PDE4A: variants seen among roughly 807,000 people sequenced by gnomAD.
PDE4A encodes the protein phosphodiesterase 4A, also known as 3',5'-cyclic-AMP phosphodiesterase 4A.
PDE4A carries 21 observed loss-of-function variants against 73.9 expected under a neutral mutation model. That is an observed-to-expected ratio of 0.28 (90% CI 0.20 to 0.41). The LOEUF is 0.41. PDE4A is among the 10% of genes least tolerant of loss of function. The pLI, the probability that PDE4A is intolerant of heterozygous loss-of-function variation, is 1.00. For missense variants in PDE4A, 958 were observed against 1,211.4 expected, an observed-to-expected ratio of 0.79 and a Z score of 3.10; for synonymous variants, 463 against 505.4, an observed-to-expected ratio of 0.92 and a Z score of 1.13.
chr19:10,427,642 A>G, intron 1 of PDE4A: 1 of 983,824 alleles, frequency 1.0e-6, no homozygotes, highest in Non-Finnish European at 1.2e-6. Context: ...CTGTCTCTGA[A>G]GCCAGACAGC....
Position 10,420,598 on chromosome 19 carries a change from C to A in PDE4A, c.-167C>A, listed in dbSNP as rs2042636289. 7.7e-7 allele frequency: 1 copy of A among 1,293,144 alleles called. No individual in the cohort carries two copies. The highest frequency in any genetic ancestry group is 2.4e-5 in the South Asian group (1 of 40,972). 80.1% of individuals were successfully genotyped at this position (1,293,144 alleles called of 1,614,324 possible). A position where few individuals can be genotyped will look rare whatever the true frequency, so the allele number is the denominator to read the frequency against. On this transcript the variant is annotated 5_prime_UTR_variant, in exon 1 of 15. Coordinates refer to ENST00000380702, the MANE Select transcript of PDE4A (RefSeq NM_001111307.2). This position sits in a 1 kb window ranked among gnomAD's most constrained non-coding sequence, Gnocchi z 6.0. ...CGAAAGGAAGCTGCAGAGCCCGGCC[C>A]GGGGGCGATTGGCCCGCAGCGCCCC...
upstream of PDE4A, chr19:10,416,989 A>G (rs1231523524): frequency 1.3e-6 from 2 of 1,539,624 alleles, no homozygotes; most frequent in East Asian, 2.4e-5. Flanking sequence ...ACCGGGGACG[A>G]GGTGCGAGAG....
chr19:10,454,999 T>C, intron 7 of PDE4A, 77 bp downstream of exon 7: 1 of 1,385,004 alleles, frequency 7.2e-7, no homozygotes, highest in Non-Finnish European at 1.0e-6. Context: ...CCGTGGGTCC[T>C]GTTGCTCACA....
chr19:10,418,686 C>A, upstream of PDE4A: 1 of 889,978 alleles, frequency 1.1e-6, no homozygotes. Flanking sequence ...GCTCAGGCCA[C>A]CGCTCCTCGT....
intron 1 of PDE4A, among the ~76,000 whole-genome samples, chr19:10,430,183 A>G (rs2042768773): frequency 6.6e-6 from 1 of 152,000 alleles, no homozygotes; most frequent in South Asian, 2.1e-4. Context: ...GGGCTCTCAG[A>G]GCACCACTGG....
At chr19:10,452,463 G>A (rs2043106661) in intron 6 of PDE4A, among the ~76,000 whole-genome samples, 2 of 151,820 alleles carry the variant, frequency 1.3e-5, no homozygotes, top group Admixed American at 1.3e-4. Context: ...AAATGTGGCT[G>A]GTATCTCGGT....
chr19:10,457,355 C>T (rs2043185742), intron 7 of PDE4A, among the ~76,000 whole-genome samples: 1 of 148,254 alleles, frequency 6.7e-6, no homozygotes, highest in Non-Finnish European at 1.5e-5. Flanking sequence ...GACCTTGGCT[C>T]AGCTCTGGAA....
At position 10,450,865 on chromosome 19, in the gene PDE4A, A is replaced by C; in HGVS notation, c.707A>C (p.Glu236Ala). 2.5e-6 allele frequency: 4 copies of C among 1,612,080 alleles called. No individual in the cohort carries two copies. Among genetic ancestry groups the C allele is most frequent in the Non-Finnish European group, 2.5e-6 (3 of 1,179,202 alleles). Residue 236 changes from glutamate (E) to alanine (A), a missense_variant, in exon 6 of 15, where the codon GAG (glutamate) becomes GCG (alanine). Physicochemically the swap from Glu to Ala is moderately radical, Grantham distance 107. This residue lies in a region of PDE4A where 570 missense variants were observed against 827.7 expected (regional missense o/e 0.69). Transcript: ENST00000380702. ...CAGCAGTTGGCCCGGGAGACTCTGG[A>C]GGAGCTGGACTGGTGTCTGGAGCAG... is the stretch of plus-strand genomic sequence containing the variant. The part of the protein sequence containing the change: ...TCQQLARETL[E>A]ELDWCLEQLE...
At position 10,466,868 on chromosome 19, in the gene PDE4A, CT is replaced by C; in HGVS notation, c.1927-16del. ...CCACCCCATAGGCCGCCCATTTATACTTTCTTCCCCTCCACCAGGTGGGTTT... is the reference window on the plus strand; with the variant it reads ...CCACCCCATAGGCCGCCCATTTATACTTCTTCCCCTCCACCAGGTGGGTTT... On this transcript the variant is annotated intron_variant, in intron 14 of 14. Coordinates refer to ENST00000380702, the MANE Select transcript of PDE4A (RefSeq NM_001111307.2). 6.2e-7 allele frequency: 1 copy of C among 1,605,806 alleles called. No individual in the cohort carries two copies. Among genetic ancestry groups the C allele is most frequent in the Non-Finnish European group, 8.5e-7 (1 of 1,175,724 alleles).
At chr19:10,441,001 G>C (rs2042930639) in intron 1 of PDE4A, among the ~76,000 whole-genome samples, 1 of 151,086 alleles carries the variant, frequency 6.6e-6, no homozygotes, top group Non-Finnish European at 1.5e-5. Flanking sequence ...GCCTCCCAAA[G>C]TGCTGGGATT....
intron 1 of PDE4A, chr19:10,421,290 G>A: frequency 3.0e-6 from 3 of 985,444 alleles, no homozygotes; most frequent in Non-Finnish European, 3.6e-6. Flanking sequence ...CCATCCTGGG[G>A]TCCATTTAGG....
intron 6 of PDE4A, chr19:10,452,945 C>T: frequency 8.7e-7 from 1 of 1,145,334 alleles, no homozygotes; most frequent in South Asian, 2.7e-5. Context: ...CACACGGGTG[C>T]ACACACAGAG....
At chr19:10,432,612 G>A in intron 1 of PDE4A, 1 of 1,494,490 alleles carries the variant, frequency 6.7e-7, no homozygotes, top group Non-Finnish European at 8.9e-7. Flanking sequence ...TTTTAATACT[G>A]AAGGGCACTG....
At chr19:10,430,800 G>C in intron 1 of PDE4A, 2 of 799,344 alleles carry the variant, frequency 2.5e-6, no homozygotes, top group Non-Finnish European at 3.1e-6. Context: ...CGGGGTGGGC[G>C]GCGCAGCTCC....
At chr19:10,431,154 G>T in intron 1 of PDE4A, 1 of 1,085,738 alleles carries the variant, frequency 9.2e-7, no homozygotes, top group Non-Finnish European at 1.2e-6. Flanking sequence ...CAGGGTCTAG[G>T]GTTCGTGGCT....
In PDE4A at chr19:10,457,870, C is replaced by T. The variant is rs775295718; in HGVS notation, c.878-9C>T. On this transcript the variant is annotated splice_polypyrimidine_tract_variant and intron_variant, in intron 7 of 14. Transcript: ENST00000380702. ...GTTCACACTTGTTCCTGCTCCCCAT[C>T]TTCTGCAGACAAACAGAATGAAGTG... The T allele has an allele frequency of 6.2e-7, 1 of 1,612,108 alleles. No homozygotes were observed. The highest frequency in any genetic ancestry group is 2.2e-5 in the East Asian group (1 of 44,874).
intron 1 of PDE4A, chr19:10,427,389 TG>T: frequency 1.7e-6 from 1 of 580,090 alleles, no homozygotes; most frequent in Non-Finnish European, 2.2e-6. Flanking sequence ...GGTCCTGTGG[TG>T]GGAGTGTGTC....
At chr19:10,451,654 A>C (rs1376137322) in intron 6 of PDE4A, among the ~76,000 whole-genome samples, 1 of 151,954 alleles carries the variant, frequency 6.6e-6, no homozygotes, top group Non-Finnish European at 1.5e-5. Context: ...TGGGAAACTG[A>C]ATGTGTAGCT....
Position 10,467,031 on chromosome 19 carries a change from C to T in PDE4A, c.2071C>T (p.Pro691Ser), listed in dbSNP as rs1568387399. Reference protein sequence around the residue: ...SAIRQSPSPPPEEESRGPGHP... With the variant: ...SAIRQSPSPPSEEESRGPGHP... Reference sequence around the variant, plus strand: ...CATCCGGCAGAGCCCATCTCCGCCACCCGAGGAGGAGTCAAGGGGGCCAGG... The same window carrying T: ...CATCCGGCAGAGCCCATCTCCGCCATCCGAGGAGGAGTCAAGGGGGCCAGG... Residue 691 changes from proline to serine, a missense_variant, in exon 15 of 15, where the codon CCC becomes TCC. By Grantham distance (74) the Pro-to-Ser change is moderately conservative. Around this residue, in one of 3 missense-constraint regions of PDE4A, gnomAD observed 570 missense variants for 827.7 expected, o/e 0.69. Coordinates refer to ENST00000380702, the MANE Select transcript of PDE4A (RefSeq NM_001111307.2). The T allele has an allele frequency of 6.2e-7, 1 of 1,614,152 alleles. No individual in the cohort carries two copies. The highest frequency in any genetic ancestry group is 8.5e-7 in the Non-Finnish European group (1 of 1,180,030).
Sources: gnomAD v4.1 joint callset for allele counts (sites outside exome capture counted in the v4.1 genomes callset) on GRCh38, gnomAD v4.1.1 for gene constraint, gnomAD v4.1.1 regional missense constraint, Gnocchi (gnomAD v3.1) non-coding constraint, MANE v1.5 for transcripts, NCBI Gene and HGNC (gene_info 2026-07-23, HGNC 2026-07-21) for gene names.